LINC00305: variants seen among roughly 807,000 people sequenced by gnomAD.
The protein encoded by LINC00305 is long independently transcribed non-coding RNA 305.
chr18:64,142,696 A>T (rs1225687437), intron 1 of LINC00305, among the ~76,000 whole-genome samples: 1 of 152,030 alleles, frequency 6.6e-6, no homozygotes, highest in Admixed American at 6.6e-5. Context: ...CCACTCTTGT[A>T]TATACACCAT....
intron 1 of LINC00305, among the ~76,000 whole-genome samples, chr18:64,138,936 C>A (rs779120934): frequency 2.0e-4 from 30 of 152,186 alleles, no homozygotes; most frequent in Non-Finnish European, 3.8e-4. Context: ...ATGTGCGGGG[C>A]ACAGCCGATA....
chr18:64,148,744 A>T (rs762445538), intron 1 of LINC00305: 5 of 152,146 alleles, frequency 3.3e-5, no homozygotes, highest in Non-Finnish European at 7.3e-5. Context: ...TTTCAAAGTT[A>T]TAAGTAGGGA....
chr18:64,139,008 C>T (rs544987726), intron 1 of LINC00305, among the ~76,000 whole-genome samples: 7 of 152,264 alleles, frequency 4.6e-5, no homozygotes, highest in Non-Finnish European at 7.3e-5. Context: ...CACCCAGAAC[C>T]GCCACAGGCA....
At chr18:64,132,774 G>A (rs8089740) in intron 1 of LINC00305, among the ~76,000 whole-genome samples, 10,726 of 152,248 alleles carry the variant, frequency 0.07, 564 homozygotes, top group Non-Finnish European at 0.11. Flanking sequence ...GACAAGGGGT[G>A]TTTGCTGTGG....
At chr18:64,095,177 A>G (rs1247198748) in intron 3 of LINC00305, among the ~76,000 whole-genome samples, 1 of 152,154 alleles carries the variant, frequency 6.6e-6, no homozygotes. Context: ...GCGATTTCTA[A>G]CAGCAAGCAG....
At chr18:64,096,361 T>C (rs1025536353) in intron 3 of LINC00305, among the ~76,000 whole-genome samples, 1 of 151,876 alleles carries the variant, frequency 6.6e-6, no homozygotes, top group African/African-American at 2.4e-5. Flanking sequence ...AAATTATCAA[T>C]GTCCGAAACA....
chr18:64,082,952 A>G (rs544169846), intron 3 of LINC00305, among the ~76,000 whole-genome samples: 1 of 152,086 alleles, frequency 6.6e-6, no homozygotes, highest in Admixed American at 6.5e-5. Flanking sequence ...AACATTTAGA[A>G]CTTTCTAATT....
intron 1 of LINC00305, among the ~76,000 whole-genome samples, chr18:64,119,794 G>T (rs1198129753): frequency 2.0e-5 from 3 of 152,022 alleles, no homozygotes; most frequent in Admixed American, 2.0e-4. Context: ...AATCCGGATT[G>T]TTCTACCTCA....
intron 1 of LINC00305, among the ~76,000 whole-genome samples, chr18:64,141,210 ATGT>A (rs1019715477): frequency 1.2e-4 from 19 of 152,258 alleles, no homozygotes; most frequent in African/African-American, 4.6e-4. Context: ...TAATAAGTTT[ATGT>A]TGTTTTGAGT....
rs2051241963 is a variant in LINC00305 at position 64,095,547 on chromosome 18, C to A, written n.540+2287G>T. Reference sequence around the variant, plus strand: ...AGCTATCTGAAAACTAAAAACACACCAAAAGGAATCTAAAAGAAGTGAAAT... The same window carrying A: ...AGCTATCTGAAAACTAAAAACACACAAAAAGGAATCTAAAAGAAGTGAAAT... On this transcript the variant is annotated intron_variant and non_coding_transcript_variant, in intron 3 of 3. Coordinates refer to ENST00000666468, the Ensembl canonical transcript of LINC00305. Among the ~76,000 whole-genome samples, 4 of 151,698 alleles carry A rather than the reference C, an allele frequency of 2.6e-5. No individual in the cohort carries two copies. The South Asian group carries it at 8.3e-4, about 32-fold the overall frequency.
intron 1 of LINC00305, among the ~76,000 whole-genome samples, chr18:64,143,190 C>A (rs2051472597): frequency 6.6e-6 from 1 of 152,024 alleles, no homozygotes; most frequent in South Asian, 2.1e-4. Flanking sequence ...TAATTTAGTC[C>A]TTTATTTAAA....
chr18:64,148,203 G>A (rs1484127238), intron 1 of LINC00305, among the ~76,000 whole-genome samples: 1 of 151,994 alleles, frequency 6.6e-6, no homozygotes, highest in East Asian at 1.9e-4. Context: ...CAGTTCAGAG[G>A]GGAGAGAGGA....
At chr18:64,101,701 T>C (rs1215186433) in intron 1 of LINC00305, among the ~76,000 whole-genome samples, 1 of 152,200 alleles carries the variant, frequency 6.6e-6, no homozygotes, top group Non-Finnish European at 1.5e-5. Flanking sequence ...AAGCTTCTTC[T>C]GGAAGAAGTT....
chr18:64,146,404 G>A (rs991382891), intron 1 of LINC00305, among the ~76,000 whole-genome samples: 1 of 152,130 alleles, frequency 6.6e-6, no homozygotes, highest in Admixed American at 6.6e-5. Flanking sequence ...CGCAATGAAA[G>A]CTTATGACCA....
At chr18:64,116,067 AT>A (rs2051336460) in intron 1 of LINC00305, among the ~76,000 whole-genome samples, 2 of 152,136 alleles carry the variant, frequency 1.3e-5, no homozygotes, top group South Asian at 4.1e-4. Context: ...CTCTCCAGCC[AT>A]TTTTTACCAG....
chr18:64,147,880 G>A (rs2051505407), intron 1 of LINC00305, among the ~76,000 whole-genome samples: 1 of 152,026 alleles, frequency 6.6e-6, no homozygotes, highest in African/African-American at 2.4e-5. Flanking sequence ...GCCCAGGTTG[G>A]TGCAGCTGGT....
chr18:64,143,778 G>A (rs1166932199), intron 1 of LINC00305, among the ~76,000 whole-genome samples: 1 of 98,656 alleles, frequency 1.0e-5, no homozygotes, highest in Non-Finnish European at 2.1e-5. Context: ...ATGCGTACAT[G>A]TATGTACACA....
chr18:64,130,278 T>C (rs776143617), intron 1 of LINC00305, among the ~76,000 whole-genome samples: 4 of 152,184 alleles, frequency 2.6e-5, no homozygotes, highest in Admixed American at 6.6e-5. Flanking sequence ...GCTTTATACA[T>C]AATATGTGCT....
At chr18:64,148,383 C>T (rs1036262819) in intron 1 of LINC00305, among the ~76,000 whole-genome samples, 1 of 145,092 alleles carries the variant, frequency 6.9e-6, no homozygotes, top group South Asian at 2.3e-4. Context: ...GATGTGTAAG[C>T]TTTGCTCCTA....
Sources: allele counts gnomAD v4.1 joint callset (sites outside exome capture counted in the v4.1 genomes callset), GRCh38; gene constraint gnomAD v4.1.1; transcripts MANE v1.5; gene names NCBI Gene and HGNC (gene_info 2026-07-23, HGNC 2026-07-21).